Variants in OTOGL observed in about 807,000 individuals in gnomAD.
The protein encoded by OTOGL is otogelin-like protein.
OTOGL carries 285 observed loss-of-function variants against 318.5 expected under a neutral mutation model. The ratio of observed to expected loss-of-function variants is 0.89; its 90% CI spans 0.81 to 0.99. The LOEUF (loss-of-function observed/expected upper bound fraction) is 0.99. Ranked by LOEUF, OTOGL falls within the 50% of genes least tolerant of loss-of-function variation. The pLI is 0.00. For synonymous variants in OTOGL, 987 were observed against 936.5 expected (o/e 1.05, Z -0.99); for missense variants, 2,899 against 2,845.6 (o/e 1.02, Z -0.43).
intron 44 of OTOGL, among the ~76,000 whole-genome samples, chr12:80,351,712 T>C (rs1043041017): frequency 6.6e-6 from 1 of 152,210 alleles, no homozygotes; most frequent in Non-Finnish European, 1.5e-5. Context: ...TGTTGAATAA[T>C]GAGTTGAGAG....
intron 1 of OTOGL, among the ~76,000 whole-genome samples, chr12:80,099,856 G>A (rs184320651): frequency 6.6e-6 from 1 of 152,266 alleles, no homozygotes; most frequent in African/African-American, 2.4e-5. Context: ...ACCCCTGGAT[G>A]TTCACTCAGT....
chr12:80,104,607 A>G lies in OTOGL; in HGVS notation c.-20+5002A>G, dbSNP rs999746986. Among the ~76,000 whole-genome samples, 2 of 151,766 alleles carry G rather than the reference A, an allele frequency of 1.3e-5. 1 individual carries two copies. Among genetic ancestry groups the G allele is most frequent in the Admixed American group, 1.3e-4 (2 of 15,238 alleles). ...AGAAGGCATACGTTGGAGGGGTGAG[A>G]GCATGTCAGGGGGGTGAGAGCAGTG... On this transcript the variant is annotated intron_variant, in intron 1 of 58. Transcript: ENST00000547103.
At chr12:80,249,772 C>T (rs1046299219) in intron 11 of OTOGL, among the ~76,000 whole-genome samples, 52 of 152,224 alleles carry the variant, frequency 3.4e-4, no homozygotes, top group African/African-American at 1.2e-3. Context: ...GCCTCGCTGC[C>T]GCCTTGCAGT....
chr12:80,323,827 A>G lies in OTOGL; in HGVS notation c.4186A>G (p.Lys1396Glu), dbSNP rs1887507459. 6 of 1,610,696 alleles carry G rather than the reference A, an allele frequency of 3.7e-6. No homozygotes were observed. The East Asian group carries it at 1.3e-4, about 36-fold the overall frequency. Reference protein sequence around the residue: ...TCSDPEALACKFLPPVEGCLP... With the variant: ...TCSDPEALACEFLPPVEGCLP... ...TAGTGACCCTGAAGCACTAGCATGT[A>G]AATTTCTTCCACCGTAAGTAACGTT... Residue 1396 changes from lysine (K) to glutamate (E), a missense_variant, in exon 35 of 59, where the codon AAA becomes GAA. Physicochemically the swap from Lys to Glu is moderately conservative, Grantham distance 56 (BLOSUM62 1). Coordinates refer to ENST00000547103, the MANE Select transcript of OTOGL (RefSeq NM_001378609.3).
At chr12:80,140,283 G>A (rs1007338430) in intron 1 of OTOGL, among the ~76,000 whole-genome samples, 26 of 151,940 alleles carry the variant, frequency 1.7e-4, no homozygotes, top group African/African-American at 6.3e-4. Context: ...TCAACTTTAG[G>A]GTCAATGCAA....
chr12:80,183,493 A>T (rs1179997743), intron 1 of OTOGL, among the ~76,000 whole-genome samples: 1 of 152,198 alleles, frequency 6.6e-6, no homozygotes, highest in Non-Finnish European at 1.5e-5. Flanking sequence ...GGAGGAGTAT[A>T]TTAGGAAATG....
intron 1 of OTOGL, among the ~76,000 whole-genome samples, chr12:80,198,481 G>A (rs1309449757): frequency 1.3e-5 from 2 of 152,158 alleles, no homozygotes; most frequent in African/African-American, 4.8e-5. Flanking sequence ...CTACCTGGGA[G>A]GCTGAGGCAG....
chr12:80,358,234 T>C lies in OTOGL; in HGVS notation c.6020-14T>C, dbSNP rs1411146272. Reference sequence around the variant, plus strand: ...TAGCTCAGCTGTGATTTTTGGCTTCTTGTTTTACCTTAGTTTGTGAATCTT... The same window carrying C: ...TAGCTCAGCTGTGATTTTTGGCTTCCTGTTTTACCTTAGTTTGTGAATCTT... On this transcript the variant is annotated splice_polypyrimidine_tract_variant and intron_variant, in intron 49 of 58. Transcript: ENST00000547103. The C allele has an allele frequency of 6.3e-7, 1 of 1,586,028 alleles. No individual in the cohort carries two copies. Among genetic ancestry groups the C allele is most frequent in the Non-Finnish European group, 8.6e-7 (1 of 1,157,346 alleles).
Position 80,209,418 on chromosome 12 carries a change from A to G in OTOGL, c.-14A>G. ...TCAATTTGGTTACATTTCAGGGGGA[A>G]AGGCTACACTGAAATGAACATTGTA... On this transcript the variant is annotated 5_prime_UTR_variant, in exon 2 of 59. Coordinates refer to ENST00000547103, the MANE Select transcript of OTOGL (RefSeq NM_001378609.3). 1 of 1,460,646 alleles carries G rather than the reference A, an allele frequency of 6.8e-7. No homozygotes were observed. Among genetic ancestry groups the G allele is most frequent in the Non-Finnish European group, 9.1e-7 (1 of 1,100,914 alleles). 90.5% of individuals were successfully genotyped at this position (1,460,646 alleles called of 1,614,324 possible).
At chr12:80,135,145 T>A (rs1871469149) in intron 1 of OTOGL, among the ~76,000 whole-genome samples, 1 of 152,004 alleles carries the variant, frequency 6.6e-6, no homozygotes, top group African/African-American at 2.4e-5. Context: ...ACAGTTTTCC[T>A]CCCCTCTGTC....
chr12:80,370,869 G>A (rs1160230146), intron 56 of OTOGL, 180 bp downstream of exon 56: 3 of 420,258 alleles, frequency 7.1e-6, no homozygotes, highest in Admixed American at 4.3e-5. Flanking sequence ...TATATACGGC[G>A]TTCCAGGTAA....
intron 1 of OTOGL, among the ~76,000 whole-genome samples, chr12:80,194,734 T>C (rs954121729): frequency 1.3e-5 from 2 of 152,172 alleles, no homozygotes; most frequent in Non-Finnish European, 2.9e-5. Flanking sequence ...ATAAAAGTAA[T>C]ACTGATTTAT....
Position 80,378,244 on chromosome 12 carries a change from AT to A in OTOGL, c.*200del. On this transcript the variant is annotated 3_prime_UTR_variant, in exon 59 of 59. Coordinates refer to ENST00000547103, the MANE Select transcript of OTOGL (RefSeq NM_001378609.3). ...AAAATTAAATTTATTGCTTTACTCT[AT>A]TTTAGAAAATCAAATGACTGTAAGT... 2.1e-6 allele frequency: 1 copy of A among 483,588 alleles called. No individual in the cohort carries two copies. Among genetic ancestry groups the A allele is most frequent in the South Asian group, 3.5e-5 (1 of 28,790 alleles). The allele number at this position is 483,588 out of a possible 1,614,324, so 30.0% of individuals were successfully genotyped here.
Position 80,287,546 on chromosome 12 carries a change from G to A in OTOGL, c.2928+8380G>A, listed in dbSNP as rs536334974. Among the ~76,000 whole-genome samples the A allele has an allele frequency of 2.4e-4, 35 of 148,220 alleles. 1 individual carries two copies. The highest frequency in any genetic ancestry group is 9.6e-4 in the East Asian group (5 of 5,182). Reference sequence around the variant, plus strand: ...TGTGAGAGTCTAAGTCTCTTTGTTCGTCTCTAAGAACTTGCTTTATGAATC... The same window carrying A: ...TGTGAGAGTCTAAGTCTCTTTGTTCATCTCTAAGAACTTGCTTTATGAATC... On this transcript the variant is annotated intron_variant, in intron 26 of 58. Coordinates refer to ENST00000547103, the MANE Select transcript of OTOGL (RefSeq NM_001378609.3).
At chr12:80,274,366 C>G (rs1399171818) in intron 24 of OTOGL, among the ~76,000 whole-genome samples, 1 of 152,024 alleles carries the variant, frequency 6.6e-6, no homozygotes, top group Non-Finnish European at 1.5e-5. Context: ...ATCAAATCAG[C>G]TGCAACATTC....
intron 1 of OTOGL, among the ~76,000 whole-genome samples, chr12:80,159,375 T>C (rs1446361538): frequency 6.6e-6 from 1 of 152,138 alleles, no homozygotes; most frequent in East Asian, 1.9e-4. Context: ...ATTCCCTCTT[T>C]CTCTATCTTG....
At chr12:80,270,002 A>G in intron 22 of OTOGL, 100 bp from the exon 23 acceptor site, 1 of 955,888 alleles carries the variant, frequency 1.0e-6, no homozygotes, top group South Asian at 1.6e-5. Context: ...TGTATAATGT[A>G]CTCAATCAAT....
chr12:80,125,834 T>G (rs1592472354), intron 1 of OTOGL, among the ~76,000 whole-genome samples: 1 of 152,318 alleles, frequency 6.6e-6, no homozygotes, highest in Non-Finnish European at 1.5e-5. Context: ...GTAAAGGTGT[T>G]TATAGTATTC....
At chr12:80,134,260 G>A (rs928791808) in intron 1 of OTOGL, among the ~76,000 whole-genome samples, 2 of 152,100 alleles carry the variant, frequency 1.3e-5, no homozygotes, top group Admixed American at 1.3e-4. Context: ...ATGAAGTCTG[G>A]ATAAGAATTC....
Sources: allele counts gnomAD v4.1 joint callset (sites outside exome capture counted in the v4.1 genomes callset), GRCh38; gene constraint gnomAD v4.1.1; transcripts MANE v1.5; gene names NCBI Gene and HGNC (gene_info 2026-07-23, HGNC 2026-07-21).